DSCAM: variants seen among roughly 807,000 people sequenced by gnomAD.
DSCAM encodes the protein DS cell adhesion molecule, also known as cell adhesion molecule DSCAM.
DSCAM carries 47 observed loss-of-function variants against 217.7 expected under a neutral mutation model. That is an observed-to-expected ratio of 0.22 (90% confidence interval 0.17 to 0.28). DSCAM has a LOEUF of 0.28. Ranked by LOEUF, DSCAM falls within the 10% of genes least tolerant of loss-of-function variation. DSCAM has a pLI of 1.00. For synonymous variants in DSCAM, 1,056 were observed against 1,015.3 expected, an observed-to-expected ratio of 1.04 and a Z score of -0.76; for missense variants, 2,080 against 2,618.3, an observed-to-expected ratio of 0.79 and a Z score of 4.49.
At chr21:40,452,285 C>G (rs2075726927) in intron 3 of DSCAM, among the ~76,000 whole-genome samples, 2 of 139,872 alleles carry the variant, frequency 1.4e-5, no homozygotes, top group African/African-American at 5.3e-5. Context: ...CTGGAGGTAT[C>G]CTGGAAAATA....
intron 11 of DSCAM, among the ~76,000 whole-genome samples, chr21:40,194,699 G>A (rs555284323): frequency 6.6e-6 from 1 of 152,288 alleles, no homozygotes; most frequent in South Asian, 2.1e-4. Flanking sequence ...TATGATATAA[G>A]GGAGCATCCC....
chr21:40,442,514 TTTG>T lies in DSCAM; in HGVS notation c.509-73272_509-73270del, dbSNP rs1465912568. On this transcript the variant is annotated intron_variant, in intron 3 of 32. Coordinates refer to ENST00000400454, the MANE Select transcript of DSCAM (RefSeq NM_001389.5). Reference sequence around the variant, plus strand: ...ACAAATTAAGACCCCTAATTTTTTTTTTGTTTTTTTTTTTTTTTTTGGTGAGAT... The same window carrying T: ...ACAAATTAAGACCCCTAATTTTTTTTTTTTTTTTTTTTTTTTTGGTGAGAT... 3.7e-3 allele frequency among the ~76,000 whole-genome samples: 317 copies of T among 86,024 alleles called. 49 individuals carry two copies. The highest frequency in any genetic ancestry group is 6.7e-3 in the African/African-American group (176 of 26,416). The allele number at this position is 86,024 out of a possible 152,430, so 56.4% of individuals were successfully genotyped here.
At chr21:40,642,901 AG>A (rs2089900401) in intron 3 of DSCAM, among the ~76,000 whole-genome samples, 6 of 152,188 alleles carry the variant, frequency 3.9e-5, no homozygotes, top group Admixed American at 3.3e-4. Flanking sequence ...GAGAATCACC[AG>A]GGCAGAGGGC....
rs1400291925 is a variant in DSCAM at position 40,215,080 on chromosome 21, G to A, written c.2357-25842C>T. On this transcript the variant is annotated intron_variant, in intron 11 of 32. Transcript: ENST00000400454. The stretch of plus-strand genomic sequence containing the variant: ...TAAAAGTACAAAAAATTAGCCGGGC[G>A]CGGTGGCGGGCGCCTGTAGTCCCAG... Among the ~76,000 whole-genome samples the A allele has an allele frequency of 2.2e-5, 2 of 89,912 alleles. 1 individual carries two copies. Among genetic ancestry groups the A allele is most frequent in the Non-Finnish European group, 4.8e-5 (2 of 41,396 alleles). The allele number at this position is 89,912 out of a possible 152,430, so 59.0% of individuals were successfully genotyped here. A position where few individuals can be genotyped will look rare whatever the true frequency, so the allele number is the denominator to read the frequency against.
intron 3 of DSCAM, among the ~76,000 whole-genome samples, chr21:40,561,103 A>G (rs2076717034): frequency 1.3e-5 from 2 of 152,216 alleles, no homozygotes; most frequent in Admixed American, 6.5e-5. Context: ...TTTCACTAAT[A>G]TTACCAATAT....
intron 3 of DSCAM, among the ~76,000 whole-genome samples, chr21:40,607,466 C>T (rs1030185619): frequency 6.2e-5 from 9 of 144,988 alleles, no homozygotes; most frequent in South Asian, 4.3e-4. Context: ...TTTTAGAAAG[C>T]GATATTCTTT....
chr21:40,240,802 C>T lies in DSCAM; in HGVS notation c.2356+35295G>A, dbSNP rs564906153. On this transcript the variant is annotated intron_variant, in intron 11 of 32. Coordinates refer to ENST00000400454, the MANE Select transcript of DSCAM (RefSeq NM_001389.5). ...ACGAGTGCCACTGATCCCCTTGTAA[C>T]AGGTATTTGTAGCTTCCCCACCATA... Among the ~76,000 whole-genome samples, 3 of 152,270 alleles carry T rather than the reference C, an allele frequency of 2.0e-5. No individual in the cohort carries two copies. In the South Asian group the frequency reaches 6.2e-4, roughly 32 times the overall value.
chr21:40,600,432 G>C (rs1446252161), intron 3 of DSCAM, among the ~76,000 whole-genome samples: 2 of 152,052 alleles, frequency 1.3e-5, no homozygotes, highest in African/African-American at 4.8e-5. Flanking sequence ...CATTCACGAG[G>C]GCAGAGACCT....
At chr21:40,512,120 G>A (rs1216953410) in intron 3 of DSCAM, among the ~76,000 whole-genome samples, 1 of 152,058 alleles carries the variant, frequency 6.6e-6, no homozygotes, top group African/African-American at 2.4e-5. Flanking sequence ...AAGAGAGTGT[G>A]TGTGTTTGCA....
intron 11 of DSCAM, among the ~76,000 whole-genome samples, chr21:40,196,254 A>C (rs1056096156): frequency 6.6e-6 from 1 of 152,116 alleles, no homozygotes; most frequent in African/African-American, 2.4e-5. Context: ...GGAGCAGAGA[A>C]TCTGACTCCA....
chr21:40,620,026 A>G (rs71316163), intron 3 of DSCAM, among the ~76,000 whole-genome samples: 3,809 of 107,446 alleles, frequency 0.035, 123 homozygotes, highest in East Asian at 0.073. Flanking sequence ...AAAAGAAAGA[A>G]AGAGAGAGAG....
At chr21:40,013,638 A>C in intron 32 of DSCAM, among the ~76,000 whole-genome samples, 1 of 152,194 alleles carries the variant, frequency 6.6e-6, no homozygotes. Context: ...ACTTGTACAG[A>C]AATGGAGGAA....
At chr21:40,585,238 T>C (rs2076936254) in intron 3 of DSCAM, among the ~76,000 whole-genome samples, 1 of 150,090 alleles carries the variant, frequency 6.7e-6, no homozygotes. Flanking sequence ...CAATGTAAAA[T>C]GGACTAACAC....
At chr21:40,493,458 G>C (rs1317668595) in intron 3 of DSCAM, among the ~76,000 whole-genome samples, 1 of 152,118 alleles carries the variant, frequency 6.6e-6, no homozygotes, top group African/African-American at 2.4e-5. Context: ...TATGTAAATT[G>C]CTTATATCTT....
At chr21:40,452,487 T>C (rs1356792075) in intron 3 of DSCAM, among the ~76,000 whole-genome samples, 1 of 152,040 alleles carries the variant, frequency 6.6e-6, no homozygotes, top group Non-Finnish European at 1.5e-5. Flanking sequence ...CTCGTAAACA[T>C]TTTTCAATTG....
At chr21:40,512,010 A>AAAAAAAAAACT (rs61560593) in intron 3 of DSCAM, among the ~76,000 whole-genome samples, 1 of 106,368 alleles carries the variant, frequency 9.4e-6, no homozygotes, top group Non-Finnish European at 1.8e-5. Context: ...AAAAAAAAAA[A>AAAAAAAAAACT]GTATTCTATT....
intron 3 of DSCAM, among the ~76,000 whole-genome samples, chr21:40,563,565 TTATA>T (rs994977428): frequency 3.7e-4 from 43 of 114,728 alleles, no homozygotes; most frequent in Middle Eastern, 6.0e-3. Context: ...GTTTATATGT[TTATA>T]TATAGTTATA....
intron 3 of DSCAM, among the ~76,000 whole-genome samples, chr21:40,477,728 G>A (rs11911309): frequency 0.018 from 2,729 of 152,170 alleles, 84 homozygotes; most frequent in African/African-American, 0.061. Context: ...TTATCAAAAT[G>A]ATATATTTAA....
At position 40,179,204 on chromosome 21, in the gene DSCAM, A is replaced by G. The variant is rs891417676; in HGVS notation, c.2780-110T>C. The stretch of plus-strand genomic sequence containing the variant: ...AAAACCAAAAAAAAAAAAAAAAAAA[A>G]AAAAAGACGGAAAGAAAGAAAAATT... On this transcript the variant is annotated intron_variant, in intron 14 of 32. Coordinates refer to ENST00000400454, the MANE Select transcript of DSCAM (RefSeq NM_001389.5). 1.7e-5 allele frequency: 18 copies of G among 1,065,932 alleles called. No homozygotes were observed. In the African/African-American group the frequency reaches 2.8e-4, roughly 16 times the overall value. 66.0% of individuals were successfully genotyped at this position (1,065,932 alleles called of 1,614,324 possible).
Sources: gnomAD v4.1 joint callset for allele counts (sites outside exome capture counted in the v4.1 genomes callset) on GRCh38, gnomAD v4.1.1 for gene constraint, MANE v1.5 for transcripts, NCBI Gene and HGNC (gene_info 2026-07-23, HGNC 2026-07-21) for gene names.